The following PDE1A variants were observed in gnomAD, a reference collection of about 807,000 sequenced individuals.
PDE1A encodes the protein dual specificity calcium/calmodulin-dependent 3',5'-cyclic nucleotide phosphodiesterase 1A.
In PDE1A, 35 loss-of-function variants were observed where a neutral mutation model predicts 61.7. That is an observed-to-expected ratio of 0.57 (90% CI 0.43 to 0.75). The LOEUF is 0.75. Ranked by LOEUF, PDE1A falls within the 30% of genes least tolerant of loss-of-function variation. The probability of loss-of-function intolerance (pLI) is 0.00; values close to 1 mark genes in which losing one functional copy is unlikely to be tolerated. For synonymous variants in PDE1A, 232 were observed against 213.2 expected, an observed-to-expected ratio of 1.09 and a Z score of -0.77; for missense variants, 597 against 630.6, an observed-to-expected ratio of 0.95 and a Z score of 0.57.
chr2:182,353,222 T>C (rs1156757601), intron 1 of PDE1A, among the ~76,000 whole-genome samples: 1 of 152,228 alleles, frequency 6.6e-6, no homozygotes, highest in Admixed American at 6.5e-5. Context: ...TGCTAATTGA[T>C]TATTTGGACC....
At chr2:182,599,818 G>A in the PDE1A span, among the ~76,000 whole-genome samples, 6 of 152,134 alleles carry the variant, frequency 3.9e-5, no homozygotes, top group African/African-American at 1.2e-4. Flanking sequence ...GCATCAGAGA[G>A]GTTTAATTAT....
intron 1 of PDE1A, among the ~76,000 whole-genome samples, chr2:182,418,880 T>C (rs575905242): frequency 6.6e-6 from 1 of 152,240 alleles, no homozygotes; most frequent in South Asian, 2.1e-4. Flanking sequence ...AAAGACCCAC[T>C]GATATCAACC....
intron 1 of PDE1A, among the ~76,000 whole-genome samples, chr2:182,390,451 T>C (rs1240033947): frequency 6.6e-6 from 1 of 152,194 alleles, no homozygotes; most frequent in Non-Finnish European, 1.5e-5. Context: ...CAACCATATG[T>C]GGAGAACCAA....
intron 1 of PDE1A, among the ~76,000 whole-genome samples, chr2:182,403,107 C>G (rs971509249): frequency 4.7e-5 from 7 of 150,464 alleles, no homozygotes. Context: ...TTGTGGAAGA[C>G]AGTGTGATGA....
chr2:182,279,150 A>AGTT (rs1441256206), intron 1 of PDE1A, among the ~76,000 whole-genome samples: 1 of 151,996 alleles, frequency 6.6e-6, no homozygotes, highest in Non-Finnish European at 1.5e-5. Flanking sequence ...TCAGTTTTTT[A>AGTT]GTTTAGTTTT....
intron 1 of PDE1A, among the ~76,000 whole-genome samples, chr2:182,265,218 C>T (rs1344532520): frequency 6.6e-6 from 1 of 151,268 alleles, no homozygotes; most frequent in Non-Finnish European, 1.5e-5. Context: ...AACTTATCCA[C>T]GTAACCAGAA....
the PDE1A span, among the ~76,000 whole-genome samples, chr2:182,670,436 G>C: frequency 6.6e-6 from 1 of 152,090 alleles, no homozygotes; most frequent in Non-Finnish European, 1.5e-5. Context: ...GCTTTTAAAA[G>C]CTCTCCAAGC....
At chr2:182,545,605 G>A in the PDE1A span, among the ~76,000 whole-genome samples, 1 of 152,116 alleles carries the variant, frequency 6.6e-6, no homozygotes, top group Non-Finnish European at 1.5e-5. Context: ...TTCCGGTCAG[G>A]TCATTCAGCC....
chr2:182,459,691 T>A (rs1686151111), intron 2 of PDE1A, among the ~76,000 whole-genome samples: 1 of 152,136 alleles, frequency 6.6e-6, no homozygotes, highest in Non-Finnish European at 1.5e-5. Context: ...AGAGGGAATA[T>A]CTGGCCACCT....
At chr2:182,595,432 T>G in the PDE1A span, among the ~76,000 whole-genome samples, 1 of 152,158 alleles carries the variant, frequency 6.6e-6, no homozygotes, top group Non-Finnish European at 1.5e-5. Flanking sequence ...CCTAGCAAAC[T>G]GAGAAATTTA....
At chr2:182,535,979 T>C in the PDE1A span, among the ~76,000 whole-genome samples, 1 of 152,216 alleles carries the variant, frequency 6.6e-6, no homozygotes, top group African/African-American at 2.4e-5. Context: ...TTAGGCACAC[T>C]GAACATGCTA....
the PDE1A span, among the ~76,000 whole-genome samples, chr2:182,597,924 A>G: frequency 5.3e-5 from 8 of 152,250 alleles, no homozygotes; most frequent in African/African-American, 1.9e-4. Flanking sequence ...TCTTTTCACC[A>G]AATTGCTGTT....
chr2:182,329,751 G>C (rs1257026259), intron 1 of PDE1A, among the ~76,000 whole-genome samples: 2 of 152,004 alleles, frequency 1.3e-5, no homozygotes, highest in Non-Finnish European at 2.9e-5. Context: ...ACCACTCCAG[G>C]GACCACTCCT....
chr2:182,591,525 G>A, the PDE1A span, among the ~76,000 whole-genome samples: 2 of 152,168 alleles, frequency 1.3e-5, no homozygotes, highest in Admixed American at 1.3e-4. Context: ...ACCCTGATGG[G>A]TCTAGGCTAC....
chr2:182,360,814 G>A (rs1574450346), intron 1 of PDE1A, among the ~76,000 whole-genome samples: 1 of 151,920 alleles, frequency 6.6e-6, no homozygotes. Context: ...CAGTTGATCT[G>A]CTGTATGGAT....
chr2:182,364,666 T>C (rs527772855), intron 1 of PDE1A, among the ~76,000 whole-genome samples: 1 of 151,800 alleles, frequency 6.6e-6, no homozygotes, highest in South Asian at 2.1e-4. Flanking sequence ...CAAATAAAGA[T>C]ATAGTTTAAT....
chr2:182,303,913 T>TTTGTTTGTTTG (rs374940983), intron 1 of PDE1A, among the ~76,000 whole-genome samples: 87 of 151,710 alleles, frequency 5.7e-4, no homozygotes, highest in African/African-American at 2.1e-3. Flanking sequence ...TTGTTTGTTT[T>TTTGTTTGTTTG]TTTGTTGAGA....
chr2:182,577,049 GTAT>G, the PDE1A span, among the ~76,000 whole-genome samples: 1 of 152,010 alleles, frequency 6.6e-6, no homozygotes, highest in Non-Finnish European at 1.5e-5. Flanking sequence ...TCTATTGATT[GTAT>G]TATTTGATGC....
At chr2:182,656,010 A>T in the PDE1A span, among the ~76,000 whole-genome samples, 1 of 152,170 alleles carries the variant, frequency 6.6e-6, no homozygotes, top group African/African-American at 2.4e-5. Flanking sequence ...GGCTGACCTG[A>T]CCCTGTGGTT....
Sources: gnomAD v4.1 joint callset for allele counts (sites outside exome capture counted in the v4.1 genomes callset) on GRCh38, gnomAD v4.1.1 for gene constraint, MANE v1.5 for transcripts, NCBI Gene and HGNC (gene_info 2026-07-23, HGNC 2026-07-21) for gene names.